The following KLHL3 variants were observed in gnomAD, a reference collection of about 807,000 sequenced individuals.
The protein encoded by KLHL3 is kelch-like protein 3.
In KLHL3, 19 loss-of-function variants were observed where a neutral mutation model predicts 70.5. That is an observed-to-expected ratio of 0.27 (90% CI 0.19 to 0.40). KLHL3 has a LOEUF of 0.40. Among genes scored for constraint, KLHL3 ranks in the 10% least tolerant of loss-of-function variants. The probability of loss-of-function intolerance (pLI) is 1.00; values close to 1 mark genes in which losing one functional copy is unlikely to be tolerated. For missense variants in KLHL3, 512 were observed against 771.1 expected (o/e 0.66, Z 3.98); for synonymous variants, 258 against 290.3 (o/e 0.89, Z 1.13).
intron 2 of KLHL3, among the ~76,000 whole-genome samples, chr5:137,713,799 CTAGAA>C (rs1273443177): frequency 6.6e-6 from 1 of 152,080 alleles, no homozygotes; most frequent in Non-Finnish European, 1.5e-5. Flanking sequence ...GAGCTTGTAT[CTAGAA>C]TATGTGAAGA....
chr5:137,624,358 TC>T (rs1413156990), intron 14 of KLHL3, among the ~76,000 whole-genome samples: 1 of 152,144 alleles, frequency 6.6e-6, no homozygotes, highest in Non-Finnish European at 1.5e-5. Flanking sequence ...ACTCTTCCCC[TC>T]TCATTAAGGC....
intron 1 of KLHL3, among the ~76,000 whole-genome samples, chr5:137,731,501 T>C (rs1057463520): frequency 2.6e-5 from 4 of 152,176 alleles, no homozygotes; most frequent in African/African-American, 7.2e-5. Context: ...GCTTTCTAAG[T>C]CTTGTCTCCT....
chr5:137,682,776 T>A (rs1223122036), intron 5 of KLHL3, among the ~76,000 whole-genome samples: 3 of 152,216 alleles, frequency 2.0e-5, no homozygotes, highest in Admixed American at 1.3e-4. Context: ...GTCTCCAGCA[T>A]AATATCTGTA....
intron 1 of KLHL3, among the ~76,000 whole-genome samples, chr5:137,726,529 G>A (rs1033163960): frequency 1.3e-5 from 2 of 152,130 alleles, no homozygotes; most frequent in Admixed American, 1.3e-4. Flanking sequence ...GGATACATCA[G>A]TTCTAAGTGA....
chr5:137,633,987 C>G, intron 12 of KLHL3, 50 bp downstream of exon 12: 1 of 1,612,734 alleles, frequency 6.2e-7, no homozygotes, highest in Non-Finnish European at 8.5e-7. Flanking sequence ...ATTTAAGGAC[C>G]CACTTGTGAG....
chr5:137,683,776 TCTCTCTCTCACACACACACATGCACGCG>T (rs1270790603), intron 5 of KLHL3, among the ~76,000 whole-genome samples: 3 of 151,530 alleles, frequency 2.0e-5, no homozygotes, highest in African/African-American at 7.3e-5. Context: ...TCTCTCTCTC[TCTCTCTCTCACACACACACATGCACGCG>T]CACACACACA....
intron 2 of KLHL3, among the ~76,000 whole-genome samples, chr5:137,711,793 C>A (rs1456378758): frequency 6.6e-6 from 1 of 152,086 alleles, no homozygotes; most frequent in African/African-American, 2.4e-5. Flanking sequence ...GGCCTTTAGT[C>A]TCATTAAATT....
chr5:137,684,630 C>T (rs1722414807), intron 5 of KLHL3, among the ~76,000 whole-genome samples: 1 of 152,224 alleles, frequency 6.6e-6, no homozygotes, highest in African/African-American at 2.4e-5. Flanking sequence ...TCCCAAACAG[C>T]TCTGCTGATG....
At chr5:137,664,818 TA>T (rs1206531497) in intron 6 of KLHL3, among the ~76,000 whole-genome samples, 1 of 151,590 alleles carries the variant, frequency 6.6e-6, no homozygotes, top group African/African-American at 2.4e-5. Flanking sequence ...AGCCTATCTT[TA>T]AAAAAATAAT....
intron 6 of KLHL3, among the ~76,000 whole-genome samples, chr5:137,676,080 A>C (rs548255271): frequency 6.6e-6 from 1 of 152,344 alleles, no homozygotes; most frequent in African/African-American, 2.4e-5. Flanking sequence ...CACGCATTCA[A>C]GGAAGCCAAG....
chr5:137,645,721 T>C (rs980657600), intron 8 of KLHL3, among the ~76,000 whole-genome samples: 14 of 152,062 alleles, frequency 9.2e-5, no homozygotes, highest in Admixed American at 7.2e-4. Flanking sequence ...AAAATGCTCA[T>C]ACTACCTAAA....
intron 4 of KLHL3, among the ~76,000 whole-genome samples, chr5:137,694,883 T>C (rs926432960): frequency 1.3e-5 from 2 of 151,968 alleles, no homozygotes; most frequent in Admixed American, 1.3e-4. Context: ...CAAACCCTAC[T>C]CAGAGGTGTG....
Position 137,618,351 on chromosome 5 carries a change from A to C in KLHL3, c.*3747T>G, listed in dbSNP as rs551012576. On this transcript the variant is annotated 3_prime_UTR_variant, in exon 15 of 15. Transcript: ENST00000309755. The stretch of plus-strand genomic sequence containing the variant: ...CCCAACAATAATAATAATAATAATA[A>C]ATTTTAAAAACCATGATGCAAATGG... 1 of 152,204 alleles carries C rather than the reference A, an allele frequency of 6.6e-6. No individual in the cohort carries two copies. The highest frequency in any genetic ancestry group is 2.4e-5 in the African/African-American group (1 of 41,516). The allele number at this position is 152,204 out of a possible 1,614,324, so 9.4% of individuals were successfully genotyped here. A position where few individuals can be genotyped will look rare whatever the true frequency, so the allele number is the denominator to read the frequency against.
At chr5:137,661,701 C>A (rs1319744810) in intron 7 of KLHL3, 2 of 452,144 alleles carry the variant, frequency 4.4e-6, no homozygotes, top group Non-Finnish European at 7.8e-6. Context: ...AACTAATAAG[C>A]AGCAGAGCAG....
chr5:137,647,718 C>A (rs1751090342), intron 8 of KLHL3: 1 of 406,392 alleles, frequency 2.5e-6, no homozygotes, highest in Non-Finnish European at 5.2e-6. Context: ...GGTTCCTGAG[C>A]AACAGTTGCT....
chr5:137,668,602 C>T (rs182560683), intron 6 of KLHL3, among the ~76,000 whole-genome samples: 20 of 152,150 alleles, frequency 1.3e-4, no homozygotes, highest in Non-Finnish European at 2.2e-4. Flanking sequence ...GAAGATAGTG[C>T]TTCTAGACAA....
intron 6 of KLHL3, among the ~76,000 whole-genome samples, chr5:137,662,732 A>G (rs1339135989): frequency 6.6e-6 from 1 of 152,232 alleles, no homozygotes; most frequent in Non-Finnish European, 1.5e-5. Context: ...ATAAAATTCA[A>G]CGTTGGAGGG....
intron 5 of KLHL3, 99 bp from the exon 6 acceptor site, chr5:137,677,753 C>T: frequency 1.5e-6 from 1 of 659,624 alleles, no homozygotes; most frequent in Non-Finnish European, 2.5e-6. Context: ...AGTCCTGGAG[C>T]AGGCCAGGGG....
intron 7 of KLHL3, among the ~76,000 whole-genome samples, chr5:137,658,863 C>T (rs933869389): frequency 1.3e-5 from 2 of 152,174 alleles, no homozygotes; most frequent in Non-Finnish European, 2.9e-5. Context: ...GTAACAACAT[C>T]AGAGCAGAAA....
Sources: gnomAD v4.1 joint callset for allele counts (sites outside exome capture counted in the v4.1 genomes callset) on GRCh38, gnomAD v4.1.1 for gene constraint, MANE v1.5 for transcripts, NCBI Gene and HGNC (gene_info 2026-07-23, HGNC 2026-07-21) for gene names.